CCDC91: variants seen among roughly 807,000 people sequenced by gnomAD.
The protein encoded by CCDC91 is coiled-coil domain containing 91.
Under a neutral mutation model 63.2 loss-of-function variants are expected in CCDC91, and 48 were observed. That is an observed-to-expected ratio of 0.76 (90% CI 0.60 to 0.97). CCDC91 has a LOEUF of 0.97. Ranked by LOEUF, CCDC91 falls within the 50% of genes least tolerant of loss-of-function variation. The pLI, the probability that CCDC91 is intolerant of heterozygous loss-of-function variation, is 0.00. For synonymous variants in CCDC91, 167 were observed against 165.8 expected (o/e 1.01, Z -0.06); for missense variants, 500 against 494.6 (o/e 1.01, Z -0.10).
chr12:28,413,656 A>G (rs1024080269), intron 8 of CCDC91, among the ~76,000 whole-genome samples: 1 of 152,116 alleles, frequency 6.6e-6, no homozygotes, highest in African/African-American at 2.4e-5. Context: ...CCTCTTTCTT[A>G]GTATAGCGTT....
chr12:28,476,775 T>G (rs1337550273), intron 11 of CCDC91, among the ~76,000 whole-genome samples: 2 of 151,906 alleles, frequency 1.3e-5, no homozygotes, highest in Non-Finnish European at 2.9e-5. Context: ...CAATAAAAAA[T>G]GATAAAGGGG....
chr12:28,267,851 AG>A lies in CCDC91; in HGVS notation c.109+8410del, dbSNP rs370424810. Among the ~76,000 whole-genome samples, 91 of 21,428 alleles carry A rather than the reference AG, an allele frequency of 4.2e-3. 3 individuals are homozygous for A. The highest frequency in any genetic ancestry group is 5.7e-3 in the Non-Finnish European group (59 of 10,354). The allele number at this position is 21,428 out of a possible 152,430, so 14.1% of individuals were successfully genotyped here. On this transcript the variant is annotated intron_variant, in intron 3 of 12. Transcript: ENST00000536442. ...AATATATAATTATATATAATTATAT[AG>A]TAATATATAATTATATATAATTATA...
At chr12:28,332,523 TA>T (rs902281373) in intron 6 of CCDC91, among the ~76,000 whole-genome samples, 2 of 152,216 alleles carry the variant, frequency 1.3e-5, no homozygotes, top group African/African-American at 4.8e-5. Flanking sequence ...TTCATAGGAA[TA>T]AATTAACAAA....
intron 1 of CCDC91, among the ~76,000 whole-genome samples, chr12:28,234,843 A>T (rs538196585): frequency 3.9e-5 from 6 of 152,078 alleles, no homozygotes; most frequent in African/African-American, 1.4e-4. Flanking sequence ...GAGTTTGTTC[A>T]TACTGTAAAA....
At chr12:28,506,152 G>T (rs1938683846) in intron 12 of CCDC91, among the ~76,000 whole-genome samples, 1 of 151,968 alleles carries the variant, frequency 6.6e-6, no homozygotes, top group African/African-American at 2.4e-5. Context: ...GCAAGCAATA[G>T]AAACTGAATC....
chr12:28,366,792 G>A (rs987753535), intron 7 of CCDC91, among the ~76,000 whole-genome samples: 2 of 152,068 alleles, frequency 1.3e-5, no homozygotes, highest in African/African-American at 4.8e-5. Flanking sequence ...TTCAGTGGAT[G>A]GTTTGTGGGG....
At chr12:28,234,203 A>G (rs1429823419) in intron 1 of CCDC91, among the ~76,000 whole-genome samples, 2 of 152,178 alleles carry the variant, frequency 1.3e-5, no homozygotes, top group Non-Finnish European at 2.9e-5. Flanking sequence ...GCTTTATAAC[A>G]TATTTGTAGT....
At chr12:28,316,515 TTTTATTTA>T (rs1211784667) in intron 6 of CCDC91, among the ~76,000 whole-genome samples, 2 of 149,906 alleles carry the variant, frequency 1.3e-5, no homozygotes, top group African/African-American at 4.9e-5. Flanking sequence ...TTTCTTTTTA[TTTTATTTA>T]TTTATTTATT....
At chr12:28,275,686 C>T (rs1948159320) in intron 3 of CCDC91, among the ~76,000 whole-genome samples, 1 of 152,096 alleles carries the variant, frequency 6.6e-6, no homozygotes, top group Non-Finnish European at 1.5e-5. Context: ...AATTTTAGAC[C>T]AATATCCCTG....
At chr12:28,258,541 T>C (rs1212995275) in intron 2 of CCDC91, among the ~76,000 whole-genome samples, 1 of 152,032 alleles carries the variant, frequency 6.6e-6, no homozygotes, top group African/African-American at 2.4e-5. Context: ...TATTAGGTTT[T>C]TCTTTCTTTC....
At chr12:28,262,857 A>G (rs1343986097) in intron 3 of CCDC91, among the ~76,000 whole-genome samples, 2 of 151,978 alleles carry the variant, frequency 1.3e-5, no homozygotes, top group Non-Finnish European at 2.9e-5. Flanking sequence ...TACTCTCCAT[A>G]AACATTTAGA....
intron 6 of CCDC91, among the ~76,000 whole-genome samples, chr12:28,321,000 A>T (rs1940438732): frequency 6.6e-6 from 1 of 151,924 alleles, no homozygotes; most frequent in African/African-American, 2.4e-5. Flanking sequence ...TGAGGGAAGA[A>T]GGACATTGTG....
intron 1 of CCDC91, among the ~76,000 whole-genome samples, chr12:28,193,242 C>T (rs1389167377): frequency 2.6e-5 from 4 of 152,156 alleles, no homozygotes; most frequent in African/African-American, 9.7e-5. Flanking sequence ...CATATGTTTT[C>T]ATTTCTTTTG....
chr12:28,302,675 A>G (rs1306298181), intron 3 of CCDC91: 117 of 980,422 alleles, frequency 1.2e-4, no homozygotes, highest in Middle Eastern at 5.2e-4. Flanking sequence ...TAGTGGTATC[A>G]TTTCTGGCTT....
chr12:28,329,370 C>A (rs1315453416), intron 6 of CCDC91, among the ~76,000 whole-genome samples: 2 of 152,056 alleles, frequency 1.3e-5, no homozygotes, highest in Admixed American at 1.3e-4. Flanking sequence ...TCCTTGGCAC[C>A]AATGTGGACA....
At chr12:28,488,633 A>G (rs943387663) in intron 12 of CCDC91, among the ~76,000 whole-genome samples, 11 of 152,020 alleles carry the variant, frequency 7.2e-5, no homozygotes, top group African/African-American at 1.9e-4. Flanking sequence ...GGTAATCTGT[A>G]GCCTTAACAC....
intron 3 of CCDC91, among the ~76,000 whole-genome samples, chr12:28,291,657 T>C (rs1365050414): frequency 6.6e-6 from 1 of 152,200 alleles, no homozygotes; most frequent in East Asian, 1.9e-4. Flanking sequence ...AATCCACTTT[T>C]TGTTGCATGT....
intron 7 of CCDC91, among the ~76,000 whole-genome samples, chr12:28,373,680 A>T (rs1944763845): frequency 6.6e-6 from 1 of 152,076 alleles, no homozygotes; most frequent in South Asian, 2.1e-4. Context: ...CAGAGACTGA[A>T]TGATTGCTTT....
At chr12:28,337,294 T>G (rs1942056346) in intron 6 of CCDC91, among the ~76,000 whole-genome samples, 1 of 152,148 alleles carries the variant, frequency 6.6e-6, no homozygotes, top group Non-Finnish European at 1.5e-5. Flanking sequence ...ATGAATAATT[T>G]GAATGTGATT....
Sources: allele counts gnomAD v4.1 joint callset (sites outside exome capture counted in the v4.1 genomes callset), GRCh38; gene constraint gnomAD v4.1.1; transcripts MANE v1.5; gene names NCBI Gene and HGNC (gene_info 2026-07-23, HGNC 2026-07-21).